CPHXL: variants seen among roughly 807,000 people sequenced by gnomAD.
The protein encoded by CPHXL is cytoplasmic polyadenylated homeobox-like protein.
chr16:75,714,566 G>A lies in CPHXL; in HGVS notation c.876C>T (p.Asp292=), dbSNP rs1156335754. The A allele has an allele frequency of 3.5e-5, 14 of 398,518 alleles. No homozygotes were observed. Among genetic ancestry groups the A allele is most frequent in the Non-Finnish European group, 6.2e-5 (14 of 226,090 alleles). 24.7% of individuals were successfully genotyped at this position (398,518 alleles called of 1,614,324 possible). The change falls in exon 3 of 3, where the codon GAC becomes GAT. Residue 292 remains aspartate, a synonymous_variant. Coordinates refer to ENST00000640559, the MANE Select transcript of CPHXL (RefSeq NM_001355613.1). ...AGAGACAGAATGAGCAAAGACAATG[G>A]TCTTTCTTCACCCCATATGCACCTT... is the stretch of plus-strand genomic sequence containing the variant. The part of the protein sequence containing the change: ...YAQGAYGVKK[D]HCLCSFCLSL...
chr16:75,719,646 C>T (rs1049205635), intron 1 of CPHXL, among the ~76,000 whole-genome samples: 1 of 152,332 alleles, frequency 6.6e-6, no homozygotes, highest in African/African-American at 2.4e-5. Context: ...TCAAGGAGGC[C>T]TGCCTGCCTC....
intron 1 of CPHXL, 70 bp from the exon 2 acceptor site, chr16:75,718,528 C>T (rs1959427252): frequency 5.0e-6 from 2 of 397,316 alleles, no homozygotes; most frequent in East Asian, 3.6e-5. Context: ...AGAAGAGTTC[C>T]CAACAGTGTT....
intron 1 of CPHXL, 111 bp from the exon 2 acceptor site, chr16:75,718,569 T>A (rs140018062): frequency 2.5e-6 from 1 of 395,670 alleles, no homozygotes; most frequent in Non-Finnish European, 4.5e-6. Flanking sequence ...CTTCCCAAGA[T>A]GAAATCCACG....
At chr16:75,721,603 C>T (rs1016001299) in intron 1 of CPHXL, among the ~76,000 whole-genome samples, 4 of 152,164 alleles carry the variant, frequency 2.6e-5, no homozygotes, top group Non-Finnish European at 5.9e-5. Flanking sequence ...ATTCATAAAG[C>T]AAGTCCTTAG....
intron 1 of CPHXL, among the ~76,000 whole-genome samples, 170 bp downstream of exon 1, chr16:75,726,248 C>CA (rs1959557970): frequency 6.6e-6 from 1 of 152,124 alleles, no homozygotes; most frequent in Non-Finnish European, 1.5e-5. Context: ...ATTTGAAATT[C>CA]AAGAGTCCAA....
At chr16:75,720,911 G>T (rs1333289501) in intron 1 of CPHXL, among the ~76,000 whole-genome samples, 2 of 152,216 alleles carry the variant, frequency 1.3e-5, no homozygotes, top group African/African-American at 4.8e-5. Context: ...TCTCTCAGCA[G>T]AAACTCTACA....
chr16:75,719,222 G>T (rs570899602), intron 1 of CPHXL, among the ~76,000 whole-genome samples: 1 of 152,212 alleles, frequency 6.6e-6, no homozygotes, highest in African/African-American at 2.4e-5. Flanking sequence ...TGAGGTACTG[G>T]GTTCATCTCA....
At chr16:75,720,897 C>T (rs970636594) in intron 1 of CPHXL, among the ~76,000 whole-genome samples, 12 of 152,112 alleles carry the variant, frequency 7.9e-5, no homozygotes, top group South Asian at 4.1e-4. Flanking sequence ...AGACTAACAG[C>T]GGATCTCTCA....
At chr16:75,722,726 G>T (rs145737993) in intron 1 of CPHXL, among the ~76,000 whole-genome samples, 98 of 152,324 alleles carry the variant, frequency 6.4e-4, no homozygotes, top group African/African-American at 2.3e-3. Flanking sequence ...AATAGAAAAA[G>T]AGGGAATCCT....
intron 1 of CPHXL, among the ~76,000 whole-genome samples, chr16:75,719,566 G>C (rs537617198): frequency 2.0e-5 from 3 of 152,172 alleles, no homozygotes; most frequent in African/African-American, 7.2e-5. Flanking sequence ...AGGGGCGCCT[G>C]TCATTACCCA....
intron 1 of CPHXL, among the ~76,000 whole-genome samples, chr16:75,725,220 A>G (rs1161212083): frequency 1.3e-5 from 2 of 152,148 alleles, no homozygotes; most frequent in Non-Finnish European, 2.9e-5. Context: ...GCACATGTAT[A>G]TATATGTAAC....
intron 1 of CPHXL, among the ~76,000 whole-genome samples, chr16:75,721,665 TATCCC>T (rs1276765919): frequency 6.6e-6 from 1 of 152,168 alleles, no homozygotes. Flanking sequence ...GAGACTTTAA[TATCCC>T]ACTGTCAACA....
chr16:75,715,945 G>T (rs1391349822), intron 2 of CPHXL, among the ~76,000 whole-genome samples: 2 of 151,922 alleles, frequency 1.3e-5, no homozygotes, highest in African/African-American at 4.8e-5. Flanking sequence ...TGATCTGCCC[G>T]CCTCAGCCTC....
chr16:75,719,644 G>T (rs930364154), intron 1 of CPHXL, among the ~76,000 whole-genome samples: 2 of 152,170 alleles, frequency 1.3e-5, no homozygotes, highest in African/African-American at 4.8e-5. Context: ...GCTCAAGGAG[G>T]CCTGCCTGCC....
At chr16:75,725,350 G>A (rs149170620) in intron 1 of CPHXL, among the ~76,000 whole-genome samples, 2 of 151,872 alleles carry the variant, frequency 1.3e-5, no homozygotes, top group African/African-American at 2.4e-5. Context: ...ATGCAGTGGC[G>A]TGCTCTCAGC....
At chr16:75,722,981 C>G (rs1959500175) in intron 1 of CPHXL, among the ~76,000 whole-genome samples, 1 of 152,184 alleles carries the variant, frequency 6.6e-6, no homozygotes, top group Admixed American at 6.5e-5. Flanking sequence ...AGCATATAAA[C>G]AGAACCAATG....
At chr16:75,715,718 C>G (rs947189421) in intron 2 of CPHXL, among the ~76,000 whole-genome samples, 11 of 150,610 alleles carry the variant, frequency 7.3e-5, no homozygotes, top group African/African-American at 2.4e-4. Context: ...TTTTTTTGGA[C>G]AGAGTTTTGC....
intron 1 of CPHXL, among the ~76,000 whole-genome samples, chr16:75,722,628 A>AC (rs1420078316): frequency 2.5e-4 from 38 of 152,338 alleles, no homozygotes; most frequent in African/African-American, 9.1e-4. Context: ...CCAACCAAAA[A>AC]AAGTCCAGGA....
intron 2 of CPHXL, 23 bp downstream of exon 2, chr16:75,718,242 T>A: frequency 2.5e-6 from 1 of 398,352 alleles, no homozygotes; most frequent in Non-Finnish European, 4.4e-6. Context: ...CTAGGAAATA[T>A]ACATATGAGG....
Sources: allele counts gnomAD v4.1 joint callset (sites outside exome capture counted in the v4.1 genomes callset), GRCh38; gene constraint gnomAD v4.1.1; transcripts MANE v1.5; gene names NCBI Gene and HGNC (gene_info 2026-07-23, HGNC 2026-07-21).